ARHGAP10: variants seen among roughly 807,000 people sequenced by gnomAD.
The protein encoded by ARHGAP10 is Rho GTPase activating protein 10.
In ARHGAP10, 87 loss-of-function variants were observed where a neutral mutation model predicts 108.6. The observed-to-expected ratio is 0.80, with a 90% CI of 0.67 to 0.96. ARHGAP10 has a LOEUF of 0.96. Among genes scored for constraint, ARHGAP10 ranks in the 40% least tolerant of loss-of-function variants. ARHGAP10 has a pLI of 0.00. For missense variants in ARHGAP10, 939 were observed against 954.5 expected (o/e 0.98, Z 0.21); for synonymous variants, 347 against 341.1 (o/e 1.02, Z -0.19).
At chr4:148,070,978 G>A (rs1336112828) in intron 22 of ARHGAP10, among the ~76,000 whole-genome samples, 1 of 152,198 alleles carries the variant, frequency 6.6e-6, no homozygotes, top group African/African-American at 2.4e-5. Context: ...TGAGTATCAC[G>A]TGAATATTTA....
chr4:147,927,552 A>G lies in ARHGAP10; in HGVS notation c.1229-12273A>G, dbSNP rs1055578547. Among the ~76,000 whole-genome samples the G allele has an allele frequency of 2.6e-5, 4 of 152,300 alleles. 1 individual carries two copies. The highest frequency in any genetic ancestry group is 1.3e-4 in the Admixed American group (2 of 15,296). On this transcript the variant is annotated intron_variant, in intron 13 of 22. Transcript: ENST00000336498. ...TAAAACTCGGTAGCTGAGCAGATATATATTAATAGGCTCAGTTGCACATGT... is the reference window on the plus strand; with the variant it reads ...TAAAACTCGGTAGCTGAGCAGATATGTATTAATAGGCTCAGTTGCACATGT...
At chr4:147,947,415 T>C (rs1738428963) in intron 15 of ARHGAP10, among the ~76,000 whole-genome samples, 1 of 151,830 alleles carries the variant, frequency 6.6e-6, no homozygotes, top group African/African-American at 2.4e-5. Flanking sequence ...GTTCTTTTTT[T>C]TTTTAAGATG....
chr4:148,038,017 A>C (rs1560887085), intron 19 of ARHGAP10, among the ~76,000 whole-genome samples: 1 of 152,172 alleles, frequency 6.6e-6, no homozygotes, highest in Non-Finnish European at 1.5e-5. Context: ...TTTTATTTAC[A>C]ACATCAAGTC....
intron 9 of ARHGAP10, among the ~76,000 whole-genome samples, chr4:147,880,088 A>G (rs919252354): frequency 6.6e-6 from 1 of 152,238 alleles, no homozygotes; most frequent in Non-Finnish European, 1.5e-5. Flanking sequence ...AGAAGACCTC[A>G]CAGAGTTGGC....
chr4:147,871,928 C>T (rs1734839842), intron 7 of ARHGAP10, among the ~76,000 whole-genome samples: 1 of 151,936 alleles, frequency 6.6e-6, no homozygotes, highest in Admixed American at 6.6e-5. Context: ...TAGTGAGACC[C>T]TGTCTCCACA....
At chr4:147,920,264 A>C (rs1737181323) in intron 13 of ARHGAP10, among the ~76,000 whole-genome samples, 1 of 151,808 alleles carries the variant, frequency 6.6e-6, no homozygotes, top group Admixed American at 6.6e-5. Context: ...CAAAAATACA[A>C]AAATTAGCTG....
chr4:147,889,917 C>T (rs1402707081), intron 10 of ARHGAP10, among the ~76,000 whole-genome samples: 1 of 152,070 alleles, frequency 6.6e-6, no homozygotes, highest in Non-Finnish European at 1.5e-5. Context: ...TTATTTTTTT[C>T]TCTTGTTTGG....
intron 1 of ARHGAP10, among the ~76,000 whole-genome samples, chr4:147,770,997 C>T (rs1220389875): frequency 6.6e-6 from 1 of 152,126 alleles, no homozygotes; most frequent in Non-Finnish European, 1.5e-5. Context: ...ATCTTCTTTT[C>T]TTTTAAGGAG....
intron 19 of ARHGAP10, among the ~76,000 whole-genome samples, chr4:148,030,522 A>G (rs1033791297): frequency 6.6e-6 from 1 of 152,238 alleles, no homozygotes; most frequent in African/African-American, 2.4e-5. Context: ...CTGTGTAACC[A>G]ATTCCAAGTG....
intron 22 of ARHGAP10, among the ~76,000 whole-genome samples, chr4:148,070,164 A>G (rs190293751): frequency 6.5e-4 from 99 of 152,308 alleles, no homozygotes; most frequent in African/African-American, 2.2e-3. Context: ...TGTCTCTCCT[A>G]TATATACACG....
chr4:147,744,736 G>A (rs974350001), intron 1 of ARHGAP10, among the ~76,000 whole-genome samples: 5 of 152,096 alleles, frequency 3.3e-5, no homozygotes, highest in African/African-American at 1.2e-4. Context: ...GTGGGAGAGA[G>A]GATGAGTTTT....
Position 148,003,614 on chromosome 4 carries a change from T to G in ARHGAP10, c.1717-19649T>G, listed in dbSNP as rs535732826. Among the ~76,000 whole-genome samples, 1,211 of 152,314 alleles carry G rather than the reference T, an allele frequency of 8.0e-3. 12 individuals carry two copies. The highest frequency in any genetic ancestry group is 0.028 in the African/African-American group (1,144 of 41,546). On this transcript the variant is annotated intron_variant, in intron 18 of 22. Coordinates refer to ENST00000336498, the MANE Select transcript of ARHGAP10 (RefSeq NM_024605.4). ...GGTGCTCCTGTATTGGGTGCATATA[T>G]GTTTAGGATAGTTAGCTCTTCTTGT... is the stretch of plus-strand genomic sequence containing the variant.
At chr4:148,067,892 G>C (rs982290650) in intron 22 of ARHGAP10, among the ~76,000 whole-genome samples, 1 of 152,202 alleles carries the variant, frequency 6.6e-6, no homozygotes, top group Non-Finnish European at 1.5e-5. Context: ...CTGGACTTAA[G>C]TTATGAGTTC....
chr4:147,803,403 T>A (rs1383098252), intron 1 of ARHGAP10, among the ~76,000 whole-genome samples: 2 of 152,250 alleles, frequency 1.3e-5, no homozygotes, highest in Non-Finnish European at 2.9e-5. Flanking sequence ...AATGATCAAA[T>A]CAGGGTAATT....
intron 18 of ARHGAP10, among the ~76,000 whole-genome samples, chr4:148,019,794 A>T (rs2077013135): frequency 6.6e-6 from 1 of 151,874 alleles, no homozygotes; most frequent in African/African-American, 2.4e-5. Flanking sequence ...AAAAACAAAA[A>T]ACGTCTAACC....
intron 18 of ARHGAP10, among the ~76,000 whole-genome samples, chr4:147,998,773 C>T (rs1194832627): frequency 6.6e-6 from 1 of 152,202 alleles, no homozygotes; most frequent in Non-Finnish European, 1.5e-5. Context: ...ATTCGTGATA[C>T]CATACTTCAA....
chr4:147,804,098 C>T (rs1731686469), intron 1 of ARHGAP10, among the ~76,000 whole-genome samples: 2 of 151,384 alleles, frequency 1.3e-5, no homozygotes, highest in South Asian at 4.2e-4. Context: ...TTTTGTCATC[C>T]AGGTAATAAG....
At chr4:147,798,756 T>A (rs1182314674) in intron 1 of ARHGAP10, among the ~76,000 whole-genome samples, 2 of 10,894 alleles carry the variant, frequency 1.8e-4, no homozygotes, top group Admixed American at 1.8e-3. Flanking sequence ...TCTCTCTCTC[T>A]CTCTCTCTCT....
At chr4:147,817,198 C>T (rs1408323587) in intron 1 of ARHGAP10, among the ~76,000 whole-genome samples, 2 of 152,294 alleles carry the variant, frequency 1.3e-5, no homozygotes, top group Admixed American at 6.5e-5. Flanking sequence ...TTTCTAAAAG[C>T]ATCCCCATTA....
Sources: allele counts gnomAD v4.1 joint callset (sites outside exome capture counted in the v4.1 genomes callset), GRCh38; gene constraint gnomAD v4.1.1; transcripts MANE v1.5; gene names NCBI Gene and HGNC (gene_info 2026-07-23, HGNC 2026-07-21).